Variants in SORBS2 observed in about 807,000 individuals in gnomAD.
SORBS2 encodes the protein sorbin and SH3 domain-containing protein 2.
SORBS2 carries 46 observed loss-of-function variants against 97.7 expected under a neutral mutation model. The ratio of observed to expected loss-of-function variants is 0.47; its 90% CI spans 0.37 to 0.60. The LOEUF (loss-of-function observed/expected upper bound fraction) is 0.60. Among genes scored for constraint, SORBS2 ranks in the 20% least tolerant of loss-of-function variants. The pLI is 0.00. For synonymous variants in SORBS2, 476 were observed against 473.4 expected (o/e 1.01, Z -0.07); for missense variants, 1,316 against 1,282.3 (o/e 1.03, Z -0.40).
Position 185,827,318 on chromosome 4 carries a change from T to C in SORBS2, c.-337-51952A>G, listed in dbSNP as rs200135413. Among the ~76,000 whole-genome samples, 29 of 109,654 alleles carry C rather than the reference T, an allele frequency of 2.6e-4. 7 individuals are homozygous for C. Among genetic ancestry groups the C allele is most frequent in the African/African-American group, 4.2e-4 (13 of 30,910 alleles). 71.9% of individuals were successfully genotyped at this position (109,654 alleles called of 152,430 possible). The stretch of plus-strand genomic sequence containing the variant: ...ATCATCATCACCATCATCACCATCA[T>C]CACCATCATCATCATCATCATCATC... On this transcript the variant is annotated intron_variant, in intron 1 of 20. Coordinates refer to the SORBS2 transcript ENST00000284776.
intron 4 of SORBS2, among the ~76,000 whole-genome samples, chr4:185,634,370 A>C (rs1408368542): frequency 6.6e-6 from 1 of 152,150 alleles, no homozygotes; most frequent in Non-Finnish European, 1.5e-5. Flanking sequence ...TAAGATATTT[A>C]TTGTGTTATA....
At chr4:185,944,528 T>C (rs1323065524) in intron 1 of SORBS2, among the ~76,000 whole-genome samples, 1 of 152,216 alleles carries the variant, frequency 6.6e-6, no homozygotes, top group African/African-American at 2.4e-5. Context: ...CTGAAATGCA[T>C]AGTGCAGAAA....
At chr4:185,673,875 T>C (rs2097756721) in intron 4 of SORBS2, among the ~76,000 whole-genome samples, 1 of 152,170 alleles carries the variant, frequency 6.6e-6, no homozygotes, top group Non-Finnish European at 1.5e-5. Context: ...CGGTGAACCA[T>C]CCCTTTCTTT....
chr4:185,793,281 C>T (rs1330053161), intron 1 of SORBS2, among the ~76,000 whole-genome samples: 1 of 152,206 alleles, frequency 6.6e-6, no homozygotes, highest in East Asian at 1.9e-4. Context: ...TCTCTACTAG[C>T]CTAGGCAGTG....
chr4:185,813,758 C>G (rs1290321428), intron 1 of SORBS2, among the ~76,000 whole-genome samples: 1 of 152,224 alleles, frequency 6.6e-6, no homozygotes, highest in African/African-American at 2.4e-5. Flanking sequence ...AATGGACCAC[C>G]TCACTCATGA....
intron 1 of SORBS2, among the ~76,000 whole-genome samples, chr4:185,858,345 C>T (rs1579214797): frequency 6.6e-6 from 1 of 152,292 alleles, no homozygotes; most frequent in South Asian, 2.1e-4. Context: ...TCCCAGCCCC[C>T]AGAACTGTGA....
At chr4:185,678,457 C>T (rs555463883) in exon 4 of SORBS2, 8 of 1,550,678 alleles carry the variant, frequency 5.2e-6, no homozygotes, top group East Asian at 2.4e-5. Context: ...TAGGTTTGGT[C>T]GAACGCTTCT....
chr4:185,761,118 T>C (rs2098885976), intron 2 of SORBS2, among the ~76,000 whole-genome samples: 1 of 152,220 alleles, frequency 6.6e-6, no homozygotes, highest in African/African-American at 2.4e-5. Context: ...ACATTTTCCT[T>C]CACTTTTAAC....
intron 12 of SORBS2, among the ~76,000 whole-genome samples, chr4:185,598,635 A>G (rs2096177527): frequency 6.6e-6 from 1 of 152,216 alleles, no homozygotes; most frequent in South Asian, 2.1e-4. Context: ...TCTGAAAGCA[A>G]TATAAGCAGT....
chr4:185,745,960 T>A (rs906505124), intron 2 of SORBS2, among the ~76,000 whole-genome samples: 3 of 152,204 alleles, frequency 2.0e-5, no homozygotes, highest in African/African-American at 7.2e-5. Flanking sequence ...GCAAACGATA[T>A]CACCAAAGTC....
At chr4:185,888,171 T>C (rs2149794982) in intron 1 of SORBS2, among the ~76,000 whole-genome samples, 1 of 152,306 alleles carries the variant, frequency 6.6e-6, no homozygotes, top group East Asian at 1.9e-4. Context: ...ATGCTCGTGC[T>C]AGTAATGGCT....
intron 1 of SORBS2, among the ~76,000 whole-genome samples, chr4:185,874,074 A>G (rs1258596902): frequency 6.6e-6 from 1 of 152,198 alleles, no homozygotes; most frequent in Non-Finnish European, 1.5e-5. Context: ...AGTCTTAGAC[A>G]TGTGCACAAA....
At chr4:185,883,941 G>C (rs746119796) in intron 1 of SORBS2, among the ~76,000 whole-genome samples, 75 of 152,314 alleles carry the variant, frequency 4.9e-4, no homozygotes, top group Middle Eastern at 3.4e-3. Flanking sequence ...TATCAGTCAC[G>C]TAAGTCCACA....
At chr4:185,717,123 G>C (rs1229852114) in intron 2 of SORBS2, among the ~76,000 whole-genome samples, 13 of 152,336 alleles carry the variant, frequency 8.5e-5, no homozygotes, top group African/African-American at 3.1e-4. Flanking sequence ...ACTGAGAAGA[G>C]CTCGTGGCTG....
At chr4:185,653,813 C>T (rs1349073076) in intron 1 of SORBS2, among the ~76,000 whole-genome samples, 1 of 152,154 alleles carries the variant, frequency 6.6e-6, no homozygotes. Context: ...AGATCTTACC[C>T]CAACTCTCTG....
intron 12 of SORBS2, among the ~76,000 whole-genome samples, chr4:185,596,234 G>A (rs2096084153): frequency 6.6e-6 from 1 of 152,092 alleles, no homozygotes; most frequent in Admixed American, 6.5e-5. Flanking sequence ...TGTAAAACTG[G>A]TTAGTTTCAT....
chr4:185,925,560 G>A (rs1347569591), intron 1 of SORBS2, among the ~76,000 whole-genome samples: 2 of 152,104 alleles, frequency 1.3e-5, no homozygotes, highest in East Asian at 3.8e-4. Context: ...ATATGTATGA[G>A]ACGCGTATAT....
chr4:185,939,829 C>G (rs551663459), intron 1 of SORBS2, among the ~76,000 whole-genome samples: 1 of 152,234 alleles, frequency 6.6e-6, no homozygotes, highest in African/African-American at 2.4e-5. Context: ...TTTCTTAACG[C>G]CCATCCACTG....
chr4:185,947,086 G>A (rs560600592), intron 1 of SORBS2, among the ~76,000 whole-genome samples: 42 of 152,286 alleles, frequency 2.8e-4, no homozygotes, highest in Admixed American at 3.3e-4. Flanking sequence ...TTGTGTCTCC[G>A]CAGTTCATGG....
Sources: gnomAD v4.1 joint callset for allele counts (sites outside exome capture counted in the v4.1 genomes callset) on GRCh38, gnomAD v4.1.1 for gene constraint, MANE v1.5 for transcripts, NCBI Gene and HGNC (gene_info 2026-07-23, HGNC 2026-07-21) for gene names.